Variants in THADA observed in about 807,000 individuals in gnomAD.
THADA encodes THADA armadillo repeat containing, also known as tRNA (32-2'-O)-methyltransferase regulator THADA.
In THADA, 213 loss-of-function variants were observed where a neutral mutation model predicts 219.8. The observed-to-expected ratio is 0.97, with a 90% CI of 0.87 to 1.09. The LOEUF (loss-of-function observed/expected upper bound fraction) is 1.09. Among genes scored for constraint, THADA ranks in the 50% least tolerant of loss-of-function variants. THADA has a pLI of 0.00. For synonymous variants in THADA, 1,018 were observed against 828.9 expected (o/e 1.23, Z -3.92); for missense variants, 2,956 against 2,311.3 (o/e 1.28, Z -5.72).
chr2:43,477,655 T>A (rs1685703498), intron 26 of THADA, among the ~76,000 whole-genome samples: 1 of 152,160 alleles, frequency 6.6e-6, no homozygotes, highest in African/African-American at 2.4e-5. Context: ...TACAAAGACT[T>A]CTAAATGAAT....
chr2:43,330,032 G>A (rs1156391329), intron 30 of THADA, among the ~76,000 whole-genome samples: 3 of 152,138 alleles, frequency 2.0e-5, no homozygotes, highest in Non-Finnish European at 4.4e-5. Context: ...GAAAACTCAG[G>A]CCTAAGGAAA....
At chr2:43,322,544 T>TG (rs1166803596) in intron 30 of THADA, among the ~76,000 whole-genome samples, 1 of 142,784 alleles carries the variant, frequency 7.0e-6, no homozygotes. Flanking sequence ...CAAAAATAAT[T>TG]GAAAAAGCAC....
chr2:43,396,668 CA>C (rs1453068587), intron 29 of THADA, among the ~76,000 whole-genome samples: 1 of 151,476 alleles, frequency 6.6e-6, no homozygotes, highest in African/African-American at 2.4e-5. Flanking sequence ...ACTGTGGGGA[CA>C]GGGGGGTGCA....
intron 26 of THADA, among the ~76,000 whole-genome samples, chr2:43,439,975 T>C (rs988527933): frequency 1.3e-5 from 2 of 152,236 alleles, no homozygotes; most frequent in Admixed American, 1.3e-4. Context: ...TAAATATTTA[T>C]TGAACATTTT....
chr2:43,328,410 G>T (rs949251933), intron 30 of THADA, among the ~76,000 whole-genome samples: 1 of 152,146 alleles, frequency 6.6e-6, no homozygotes, highest in Admixed American at 6.5e-5. Flanking sequence ...TGCCTTTCTT[G>T]GTCTGGAGCT....
intron 26 of THADA, among the ~76,000 whole-genome samples, chr2:43,443,523 T>G (rs995515775): frequency 6.6e-6 from 1 of 152,112 alleles, no homozygotes; most frequent in African/African-American, 2.4e-5. Flanking sequence ...TGGGGGTAAA[T>G]TCTCCAGTGA....
chr2:43,401,211 C>T (rs1428187697), intron 28 of THADA, among the ~76,000 whole-genome samples: 1 of 152,194 alleles, frequency 6.6e-6, no homozygotes, highest in African/African-American at 2.4e-5. Context: ...AAACCCTTTC[C>T]ATGTTCATTT....
chr2:43,471,932 A>C (rs2104965214), intron 26 of THADA, among the ~76,000 whole-genome samples: 1 of 152,338 alleles, frequency 6.6e-6, no homozygotes, highest in South Asian at 2.1e-4. Context: ...TACATAATGA[A>C]GATATTAGAT....
chr2:43,365,068 G>T (rs1446097652), intron 29 of THADA, among the ~76,000 whole-genome samples: 1 of 151,298 alleles, frequency 6.6e-6, no homozygotes, highest in Non-Finnish European at 1.5e-5. Flanking sequence ...TGGGATTACA[G>T]GCATGCACCA....
intron 21 of THADA, among the ~76,000 whole-genome samples, chr2:43,530,737 C>T (rs1309742695): frequency 6.6e-6 from 1 of 152,198 alleles, no homozygotes; most frequent in Non-Finnish European, 1.5e-5. Flanking sequence ...ATCAGATTTT[C>T]ATTGCTTCCT....
chr2:43,518,271 G>A (rs1332850139), intron 22 of THADA, among the ~76,000 whole-genome samples: 1 of 152,120 alleles, frequency 6.6e-6, no homozygotes, highest in African/African-American at 2.4e-5. Context: ...GGTTGACAAA[G>A]AAAGAGGGTA....
Position 43,398,071 on chromosome 2 carries a change from A to C in THADA, c.4127T>G (p.Ile1376Arg). The C allele has an allele frequency of 8.7e-6, 14 of 1,614,038 alleles. No homozygotes were observed. Among genetic ancestry groups the C allele is most frequent in the Non-Finnish European group, 1.2e-5 (14 of 1,179,868 alleles). ...TCGAATGGTATTAGGAATGTGATCT[A>C]TCATAACAAATGGGACCAAGGCACG... ...AARALVPFVMIDHIPNTIRTL... is the reference protein window; with the variant it reads ...AARALVPFVMRDHIPNTIRTL... Residue 1376 changes from isoleucine to arginine, a missense_variant, in exon 29 of 38, where the codon ATA (isoleucine) becomes AGA (arginine). Coordinates refer to ENST00000405975, the MANE Select transcript of THADA (RefSeq NM_022065.5).
At chr2:43,319,558 T>A (rs1049456279) in intron 31 of THADA, among the ~76,000 whole-genome samples, 10 of 152,182 alleles carry the variant, frequency 6.6e-5, no homozygotes, top group African/African-American at 2.4e-4. Context: ...GGTTTGAATT[T>A]GGGAACAGGG....
intron 4 of THADA, 135 bp from the exon 5 acceptor site, chr2:43,587,137 C>A: frequency 1.1e-6 from 1 of 885,548 alleles, no homozygotes; most frequent in Non-Finnish European, 1.7e-6. Context: ...CAACTACACA[C>A]TACCATCACT....
intron 36 of THADA, among the ~76,000 whole-genome samples, chr2:43,266,448 A>G (rs985627882): frequency 3.9e-5 from 6 of 152,112 alleles, no homozygotes; most frequent in African/African-American, 1.2e-4. Flanking sequence ...AAACAAAAAT[A>G]AAAAGTTAGC....
intron 7 of THADA, among the ~76,000 whole-genome samples, chr2:43,584,510 T>C (rs1318363805): frequency 6.6e-6 from 1 of 152,192 alleles, no homozygotes; most frequent in African/African-American, 2.4e-5. Flanking sequence ...AAGGCTACCC[T>C]GAGTGAAAGA....
At chr2:43,402,517 T>G (rs1268249573) in intron 28 of THADA, among the ~76,000 whole-genome samples, 1 of 152,182 alleles carries the variant, frequency 6.6e-6, no homozygotes, top group East Asian at 1.9e-4. Context: ...TTTTTCTAAG[T>G]GTTCTCCTCT....
chr2:43,315,831 G>C (rs941685447), intron 31 of THADA, among the ~76,000 whole-genome samples: 1 of 152,204 alleles, frequency 6.6e-6, no homozygotes, highest in Non-Finnish European at 1.5e-5. Flanking sequence ...ATCCTGTAAG[G>C]ATGAGGGCAG....
At chr2:43,248,202 GAGAGAGA>G (rs1223391224) in intron 36 of THADA, among the ~76,000 whole-genome samples, 62 of 135,980 alleles carry the variant, frequency 4.6e-4, no homozygotes, top group East Asian at 8.5e-4. Context: ...GAGAGAGAGA[GAGAGAGA>G]GAGAGACAGA....
Sources: allele counts gnomAD v4.1 joint callset (sites outside exome capture counted in the v4.1 genomes callset), GRCh38; gene constraint gnomAD v4.1.1; transcripts MANE v1.5; gene names NCBI Gene and HGNC (gene_info 2026-07-23, HGNC 2026-07-21).